Variants in TASOR observed in about 807,000 individuals in gnomAD.
TASOR encodes the protein transcription activation suppressor, also known as protein TASOR.
In TASOR, 53 loss-of-function variants were observed where a neutral mutation model predicts 178.6. That is an observed-to-expected ratio of 0.30 (90% CI 0.24 to 0.37). TASOR has a LOEUF of 0.37. Ranked by LOEUF, TASOR falls within the 10% of genes least tolerant of loss-of-function variation. The probability of loss-of-function intolerance (pLI) is 1.00; values close to 1 mark genes in which losing one functional copy is unlikely to be tolerated. For synonymous variants in TASOR, 713 were observed against 696.2 expected (o/e 1.02, Z -0.38); for missense variants, 1,815 against 1,971.4 (o/e 0.92, Z 1.50).
chr3:56,633,366 A>G lies in TASOR; in HGVS notation c.3425T>C (p.Leu1142Ser). Residue 1142 changes from leucine to serine, a missense_variant, in exon 18 of 24, where the codon TTG becomes TCG. This residue lies in a region of TASOR where 655 missense variants were observed against 671.1 expected (regional missense o/e 0.98). Transcript: ENST00000683822. ...HLLEPLCSDPLKDTNSDEQHS... is the reference protein window; with the variant it reads ...HLLEPLCSDPSKDTNSDEQHS... ...CTGCTCATCAGAGTTGGTATCTTTC[A>G]AAGGATCACTACACAGTGGCTCAAG... The G allele has an allele frequency of 2.5e-6, 4 of 1,614,200 alleles. No individual in the cohort carries two copies. The highest frequency in any genetic ancestry group is 3.4e-6 in the Non-Finnish European group (4 of 1,180,034).
chr3:56,627,855 AG>A, intron 19 of TASOR, 114 bp from the exon 20 acceptor site: 2 of 858,612 alleles, frequency 2.3e-6, no homozygotes, highest in Non-Finnish European at 3.6e-6. Flanking sequence ...CATCTATATT[AG>A]TGGATTACCT....
At chr3:56,659,262 T>C (rs918522501) in intron 11 of TASOR, among the ~76,000 whole-genome samples, 5 of 140,974 alleles carry the variant, frequency 3.5e-5, no homozygotes, top group African/African-American at 1.6e-4. Flanking sequence ...AGTCAACTGT[T>C]GTAAAACTTG....
rs1480473430 is a variant in TASOR at position 56,683,243 on chromosome 3, C to A, written c.-237G>T. 7 of 433,468 alleles carry A rather than the reference C, an allele frequency of 1.6e-5. No homozygotes were observed. The highest frequency in any genetic ancestry group is 2.8e-5 in the Non-Finnish European group (7 of 247,004). 26.9% of individuals were successfully genotyped at this position (433,468 alleles called of 1,614,324 possible). ...CTCCCTCGGGCAGTTCTTCTGCCTT[C>A]CCCCGCCACTCAACGTGCGCGCGTC... On this transcript the variant is annotated 5_prime_UTR_variant, in exon 1 of 24. Coordinates refer to ENST00000683822, the MANE Select transcript of TASOR (RefSeq NM_001365635.2).
At chr3:56,660,292 C>A (rs549032395) in intron 11 of TASOR, among the ~76,000 whole-genome samples, 1 of 151,796 alleles carries the variant, frequency 6.6e-6, no homozygotes, top group East Asian at 2.0e-4. Flanking sequence ...GAGATTGAGA[C>A]CATCCTGGAC....
chr3:56,627,638 G>C lies in TASOR; in HGVS notation c.3974C>G (p.Ser1325Cys). 6.2e-7 allele frequency: 1 copy of C among 1,613,944 alleles called. No individual in the cohort carries two copies. The highest frequency in any genetic ancestry group is 1.1e-5 in the South Asian group (1 of 91,068). Residue 1325 changes from serine (S) to cysteine (C), a missense_variant, in exon 20 of 24, where the codon TCT (serine) becomes TGT (cysteine). Physicochemically the swap from Ser to Cys is moderately radical, Grantham distance 112. This residue lies in a region of TASOR where 134 missense variants were observed against 195.2 expected (regional missense o/e 0.69). Transcript: ENST00000683822. Reference sequence around the variant, plus strand: ...TTCATCAGATACGATAAAACCTCCAGATACAAATAATTCATTGTATGTATG... The same window carrying C: ...TTCATCAGATACGATAAAACCTCCACATACAAATAATTCATTGTATGTATG... ...KNHTYNELFVSGGFIVSDESI... is the reference protein window; with the variant it reads ...KNHTYNELFVCGGFIVSDESI...
At chr3:56,673,955 A>G (rs2031006348) in intron 1 of TASOR, among the ~76,000 whole-genome samples, 2 of 152,160 alleles carry the variant, frequency 1.3e-5, no homozygotes, top group Non-Finnish European at 2.9e-5. Context: ...CATTACATAC[A>G]TAGACAAGGA....
chr3:56,677,956 G>C (rs1003092305), intron 1 of TASOR, among the ~76,000 whole-genome samples: 18 of 152,206 alleles, frequency 1.2e-4, no homozygotes, highest in African/African-American at 4.3e-4. Context: ...CAGAAGAACA[G>C]CTAAGTTGAT....
Position 56,624,617 on chromosome 3 carries a change from A to G in TASOR, c.4345T>C (p.Tyr1449His), listed in dbSNP as rs1234425687. The change falls in exon 23 of 24, where the codon TAT (tyrosine) becomes CAT (histidine). Residue 1449 changes from tyrosine (Y) to histidine (H), a missense_variant. Transcript: ENST00000683822. ...GCAACCACTATTCCATTATCTGTAT[A>G]ACTGGAAAGCATCTTGATGTTCTTC... Reference protein sequence around the residue: ...TEKNIKMLSSYTDNGIVVATA... With the variant: ...TEKNIKMLSSHTDNGIVVATA... 7 of 1,613,090 alleles carry G rather than the reference A, an allele frequency of 4.3e-6. No homozygotes were observed. The highest frequency in any genetic ancestry group is 5.9e-6 in the Non-Finnish European group (7 of 1,179,788).
In TASOR at chr3:56,633,572, A is replaced by G. The variant is rs2076959229; in HGVS notation, c.3219T>C (p.Gly1073=). ...GCAAACCATCTACAAACTCCTGCAC[A>G]CCAGCTTTGGAAGTCTTAGAATATA... ...EFIYSKTSKA[G]VQEFVDGLHE... is the part of the protein sequence containing the mutation. Residue 1073 remains glycine (G), a synonymous_variant, in exon 18 of 24, where the codon GGT becomes GGC. Coordinates refer to ENST00000683822, the MANE Select transcript of TASOR (RefSeq NM_001365635.2). 1 of 1,614,124 alleles carries G rather than the reference A, an allele frequency of 6.2e-7. No homozygotes were observed. Among genetic ancestry groups the G allele is most frequent in the South Asian group, 1.1e-5 (1 of 91,084 alleles).
rs2076965955 is a variant in TASOR at position 56,633,906 on chromosome 3, T to C, written c.2885A>G (p.Asp962Gly). 6.4e-7 allele frequency: 1 copy of C among 1,574,032 alleles called. No individual in the cohort carries two copies. Among genetic ancestry groups the C allele is most frequent in the South Asian group, 1.2e-5 (1 of 86,710 alleles). Reference sequence around the variant, plus strand: ...TCTCTGTCTATTTATTACCCGGGGGTCGTTAGGAAAGGCCTCCTGTGGTGG... The same window carrying C: ...TCTCTGTCTATTTATTACCCGGGGGCCGTTAGGAAAGGCCTCCTGTGGTGG... ...CVPPQEAFPNDPRVINRQRSS... is the reference protein window; with the variant it reads ...CVPPQEAFPNGPRVINRQRSS... Residue 962 changes from aspartate to glycine, a missense_variant, in exon 18 of 24, where the codon GAC becomes GGC. Transcript: ENST00000683822.
chr3:56,622,911 G>A lies in TASOR; in HGVS notation c.*126C>T, dbSNP rs917666816. 2.6e-5 allele frequency: 14 copies of A among 539,216 alleles called. No homozygotes were observed. Among genetic ancestry groups the A allele is most frequent in the African/African-American group, 2.2e-4 (11 of 50,856 alleles). The allele number at this position is 539,216 out of a possible 1,614,324, so 33.4% of individuals were successfully genotyped here. A position where few individuals can be genotyped will look rare whatever the true frequency, so the allele number is the denominator to read the frequency against. On this transcript the variant is annotated 3_prime_UTR_variant, in exon 24 of 24. Coordinates refer to ENST00000683822, the MANE Select transcript of TASOR (RefSeq NM_001365635.2). ...TTTTTAGATGCTTCAACTGTTACAGGCCATCATGATTTAAATAAAAGAAAA... is the reference window on the plus strand; with the variant it reads ...TTTTTAGATGCTTCAACTGTTACAGACCATCATGATTTAAATAAAAGAAAA...
rs146566038 is a variant in TASOR, at chr3:56,623,419, T to C, written c.4631A>G (p.Asn1544Ser). ...AGACGATTGCAACTCAATTTGAGTA[T>C]TCTTTTTTTGATCTGTTCCACGTGA... Reference protein sequence around the residue: ...KGSRGTDQKKNTQIELQSSPD... With the variant: ...KGSRGTDQKKSTQIELQSSPD... Residue 1544 changes from asparagine (N) to serine (S), a missense_variant, in exon 24 of 24, where the codon AAT becomes AGT. Physicochemically the swap from Asn to Ser is conservative, Grantham distance 46. Transcript: ENST00000683822. The C allele has an allele frequency of 2.0e-4, 319 of 1,613,768 alleles. 1 individual carries two copies. In the African/African-American group the frequency reaches 4.0e-3, roughly 20 times the overall value.
chr3:56,650,599 C>T (rs2077330880), intron 11 of TASOR, among the ~76,000 whole-genome samples: 1 of 152,140 alleles, frequency 6.6e-6, no homozygotes. Context: ...GTTATCAGGT[C>T]TTTCTTTTAT....
At chr3:56,636,072 G>C (rs1163057121) in intron 17 of TASOR, among the ~76,000 whole-genome samples, 4 of 152,068 alleles carry the variant, frequency 2.6e-5, no homozygotes, top group African/African-American at 9.7e-5. Context: ...GGGAGGCCAA[G>C]GCAGGCAGAT....
In TASOR at chr3:56,682,724, G is replaced by C; in HGVS notation, c.283C>G (p.Pro95Ala). The change falls in exon 1 of 24, where the codon CCT (proline) becomes GCT (alanine). Residue 95 changes from proline to alanine, a missense_variant. Pro to Ala is a conservative substitution (Grantham distance 27). This residue lies in a region of TASOR where 244 missense variants were observed against 202.7 expected (regional missense o/e 1.20). Transcript: ENST00000683822. The part of the protein sequence containing the change: ...LPRGPEEPER[P>A]VRRSFQIPRK... ...GGGATCTGAAAACTCCTCCTAACAG[G>C]CCTTTCGGGCTCTTCGGGGCCTCTG... 1 of 1,504,872 alleles carries C rather than the reference G, an allele frequency of 6.6e-7. No homozygotes were observed. Among genetic ancestry groups the C allele is most frequent in the Non-Finnish European group, 8.9e-7 (1 of 1,125,494 alleles). 93.2% of individuals were successfully genotyped at this position (1,504,872 alleles called of 1,614,324 possible).
intron 18 of TASOR, among the ~76,000 whole-genome samples, chr3:56,630,912 C>CG (rs1267276643): frequency 0.023 from 549 of 23,774 alleles, 4 homozygotes; most frequent in South Asian, 0.059. Context: ...AAAAAAGGAG[C>CG]GGGGGGGTGG....
chr3:56,649,127 A>G lies in TASOR; in HGVS notation c.1369-70T>C, dbSNP rs542027341. ...ATTCACCATAAGGCAGACACACAGC[A>G]TTTTCTACTAATTGTAAAGAAAAAA... On this transcript the variant is annotated intron_variant, in intron 11 of 23. Transcript: ENST00000683822. 6.2e-6 allele frequency: 7 copies of G among 1,122,216 alleles called. No homozygotes were observed. The South Asian group carries it at 1.2e-4, about 20-fold the overall frequency. The allele number at this position is 1,122,216 out of a possible 1,614,324, so 69.5% of individuals were successfully genotyped here. A position where few individuals can be genotyped will look rare whatever the true frequency, so the allele number is the denominator to read the frequency against.
At chr3:56,635,503 C>A (rs1035828462) in intron 17 of TASOR, among the ~76,000 whole-genome samples, 1 of 152,074 alleles carries the variant, frequency 6.6e-6, no homozygotes, top group African/African-American at 2.4e-5. Flanking sequence ...GTGTTCCGGG[C>A]TGGGGCAGTA....
In TASOR at chr3:56,662,417, C is replaced by T. The variant is rs1311753939; in HGVS notation, c.1128G>A (p.Arg376=). 6.5e-7 allele frequency: 1 copy of T among 1,549,576 alleles called. No individual in the cohort carries two copies. ...TAGGCAAAAAAGCACGAGTGGCTGACCTCAGAGAAATATAACACAAAAGTT... is the reference window on the plus strand; with the variant it reads ...TAGGCAAAAAAGCACGAGTGGCTGATCTCAGAGAAATATAACACAAAAGTT... ...KGKLLCYISL[R]SATRAFLPIK... is the part of the protein sequence containing the mutation. The change falls in exon 9 of 24, where the codon AGG becomes AGA. Residue 376 remains arginine, a synonymous_variant. Coordinates refer to ENST00000683822, the MANE Select transcript of TASOR (RefSeq NM_001365635.2).
Sources: gnomAD v4.1 joint callset for allele counts (sites outside exome capture counted in the v4.1 genomes callset) on GRCh38, gnomAD v4.1.1 for gene constraint, gnomAD v4.1.1 regional missense constraint, MANE v1.5 for transcripts, NCBI Gene and HGNC (gene_info 2026-07-23, HGNC 2026-07-21) for gene names.